The following CACNA1E variants were observed in gnomAD, a reference collection of about 807,000 sequenced individuals.
CACNA1E encodes voltage-dependent R-type calcium channel subunit alpha-1E.
A neutral mutation model predicts 259.2 loss-of-function variants in CACNA1E; 40 were observed. The ratio of observed to expected loss-of-function variants is 0.15; its 90% CI spans 0.12 to 0.20. CACNA1E has a LOEUF of 0.20. Among genes scored for constraint, CACNA1E ranks in the 10% least tolerant of loss-of-function variants. CACNA1E has a pLI of 1.00. For missense variants in CACNA1E, 1,874 were observed against 3,040.1 expected, an observed-to-expected ratio of 0.62 and a Z score of 9.02; for synonymous variants, 1,104 against 1,138.5, an observed-to-expected ratio of 0.97 and a Z score of 0.61.
intron 6 of CACNA1E, among the ~76,000 whole-genome samples, chr1:181,584,780 C>T (rs1572285740): frequency 1.3e-5 from 2 of 152,176 alleles, no homozygotes; most frequent in Non-Finnish European, 2.9e-5. Context: ...TTTCCTACCA[C>T]CTCCTCCACA....
At chr1:181,423,220 G>C (rs1459133507) in intron 2 of CACNA1E, among the ~76,000 whole-genome samples, 1 of 152,198 alleles carries the variant, frequency 6.6e-6, no homozygotes, top group Non-Finnish European at 1.5e-5. Flanking sequence ...AGAGGTTGTA[G>C]TTAGGCTTGG....
At chr1:181,794,297 G>A (rs1186695510) in intron 45 of CACNA1E, among the ~76,000 whole-genome samples, 1 of 152,170 alleles carries the variant, frequency 6.6e-6, no homozygotes, top group Non-Finnish European at 1.5e-5. Context: ...TAATATCTGT[G>A]GCAAATCAAA....
At chr1:181,386,899 G>A (rs530764756) in intron 1 of CACNA1E, among the ~76,000 whole-genome samples, 1 of 152,182 alleles carries the variant, frequency 6.6e-6, no homozygotes, top group South Asian at 2.1e-4. Context: ...GTCTGCACAC[G>A]CTTTGAGTGG....
At chr1:181,439,436 TTC>T (rs1310011184) in intron 2 of CACNA1E, among the ~76,000 whole-genome samples, 5 of 147,248 alleles carry the variant, frequency 3.4e-5, no homozygotes, top group Non-Finnish European at 7.5e-5. Flanking sequence ...TCTACCTTTT[TTC>T]TGCTCCCAAA....
chr1:181,723,510 G>A lies in CACNA1E; in HGVS notation c.2075-960G>A, dbSNP rs535015233. Among the ~76,000 whole-genome samples the A allele has an allele frequency of 7.2e-5, 11 of 152,144 alleles. 1 individual carries two copies. The highest frequency in any genetic ancestry group is 3.4e-3 in the Middle Eastern group (1 of 294). ...TTACTCACCAACAAGCAAGCAATCC[G>A]GCAGTGGATACTAATTGGTGTCCTC... On this transcript the variant is annotated intron_variant, in intron 16 of 47. Coordinates refer to ENST00000367573, the MANE Select transcript of CACNA1E (RefSeq NM_001205293.3).
At chr1:181,487,872 C>T (rs1464588730) in intron 1 of CACNA1E, among the ~76,000 whole-genome samples, 13 of 152,194 alleles carry the variant, frequency 8.5e-5, no homozygotes, top group Non-Finnish European at 5.9e-5. Flanking sequence ...GATATTCCCC[C>T]CACACCTCCA....
chr1:181,537,095 C>CTTTTTT (rs201514362), intron 3 of CACNA1E, among the ~76,000 whole-genome samples: 76 of 112,604 alleles, frequency 6.7e-4, no homozygotes, highest in South Asian at 1.0e-3. Context: ...TTTTTCTTTT[C>CTTTTTT]TTTTTTTTTT....
At chr1:181,334,788 G>C (rs946894055) in intron 1 of CACNA1E, among the ~76,000 whole-genome samples, 1 of 152,136 alleles carries the variant, frequency 6.6e-6, no homozygotes, top group South Asian at 2.1e-4. Context: ...CAGCTCAAAG[G>C]ATCCTTTAGA....
chr1:181,736,154 C>T (rs1263195048), intron 21 of CACNA1E, 121 bp from the exon 22 acceptor site: 2 of 1,206,846 alleles, frequency 1.7e-6, no homozygotes, highest in South Asian at 1.7e-5. Context: ...TGCAGGGCAC[C>T]TTGTTAGGGA....
At position 181,785,322 on chromosome 1, in the gene CACNA1E, T is replaced by C; in HGVS notation, c.5583T>C (p.Ser1861=). Residue 1861 remains serine, a synonymous_variant, in exon 42 of 48, where the codon TCT becomes TCC. Transcript: ENST00000367573. ...ATGCCACATTTGTGTTTCTAGCCTC[T>C]GACCTGACTGTGGGCAAAATCTATG... The part of the protein sequence containing the change: ...LDLLVPMPKA[S]DLTVGKIYAA... The C allele has an allele frequency of 6.2e-7, 1 of 1,606,150 alleles. No individual in the cohort carries two copies. The highest frequency in any genetic ancestry group is 2.2e-5 in the East Asian group (1 of 44,846).
intron 6 of CACNA1E, among the ~76,000 whole-genome samples, chr1:181,629,879 C>T (rs993679854): frequency 5.9e-5 from 9 of 152,108 alleles, no homozygotes; most frequent in African/African-American, 2.2e-4. Context: ...GGAATGTTGC[C>T]TACCTGTGGT....
intron 1 of CACNA1E, among the ~76,000 whole-genome samples, chr1:181,364,023 G>A (rs1056655113): frequency 6.6e-6 from 1 of 152,184 alleles, no homozygotes. Flanking sequence ...TGATATTCAC[G>A]GGGACTGGAG....
intron 1 of CACNA1E, among the ~76,000 whole-genome samples, chr1:181,369,646 C>G (rs1484924786): frequency 1.3e-5 from 2 of 152,180 alleles, no homozygotes; most frequent in Non-Finnish European, 2.9e-5. Context: ...CCAGGCCAGA[C>G]TAACCACACT....
At chr1:181,453,196 G>T (rs2102343001) in intron 2 of CACNA1E, among the ~76,000 whole-genome samples, 1 of 152,290 alleles carries the variant, frequency 6.6e-6, no homozygotes, top group Admixed American at 6.5e-5. Context: ...TATCCAGTAG[G>T]CATGAGTTAG....
At chr1:181,772,306 G>A (rs1659587258) in intron 37 of CACNA1E, 75 bp downstream of exon 37, 1 of 1,453,972 alleles carries the variant, frequency 6.9e-7, no homozygotes, top group Non-Finnish European at 9.5e-7. Flanking sequence ...ACATAGACCG[G>A]AGATGTTTGC....
Position 181,497,050 on chromosome 1 carries a change from G to A in CACNA1E, c.266+13040G>A, listed in dbSNP as rs78205391. ...GTCAATCCGAGGATCTGGGCATTTTGGCAAGAGCACCCTCCCTTCTCATAG... is the reference window on the plus strand; with the variant it reads ...GTCAATCCGAGGATCTGGGCATTTTAGCAAGAGCACCCTCCCTTCTCATAG... On this transcript the variant is annotated intron_variant, in intron 1 of 47. Coordinates refer to ENST00000367573, the MANE Select transcript of CACNA1E (RefSeq NM_001205293.3). 3.1e-3 allele frequency among the ~76,000 whole-genome samples: 479 copies of A among 152,142 alleles called. 4 individuals carry two copies. Among genetic ancestry groups the A allele is most frequent in the African/African-American group, 0.011 (451 of 41,506 alleles).
chr1:181,353,543 G>A (rs1653195172), intron 1 of CACNA1E, among the ~76,000 whole-genome samples: 1 of 152,228 alleles, frequency 6.6e-6, no homozygotes, highest in Non-Finnish European at 1.5e-5. Flanking sequence ...AGAGCATGAT[G>A]TGTTTGGGGA....
At chr1:181,740,754 T>C (rs1656496124) in intron 25 of CACNA1E, among the ~76,000 whole-genome samples, 1 of 152,204 alleles carries the variant, frequency 6.6e-6, no homozygotes, top group Non-Finnish European at 1.5e-5. Flanking sequence ...GTTAATTCCA[T>C]TGTGTGCAGT....
At chr1:181,483,486 T>G, upstream of CACNA1E, 8 of 315,506 alleles carry the variant, frequency 2.5e-5, no homozygotes, top group East Asian at 5.3e-5. Flanking sequence ...ACCACCCGCT[T>G]TTTTTTTCTT....
Sources: gnomAD v4.1 joint callset for allele counts (sites outside exome capture counted in the v4.1 genomes callset) on GRCh38, gnomAD v4.1.1 for gene constraint, MANE v1.5 for transcripts, NCBI Gene and HGNC (gene_info 2026-07-23, HGNC 2026-07-21) for gene names.